DCC: variants seen among roughly 807,000 people sequenced by gnomAD.
DCC encodes netrin receptor DCC.
Under a neutral mutation model 172.5 loss-of-function variants are expected in DCC, and 58 were observed. That is an observed-to-expected ratio of 0.34 (90% CI 0.27 to 0.42). The LOEUF is 0.42. Ranked by LOEUF, DCC falls within the 10% of genes least tolerant of loss-of-function variation. DCC has a pLI of 1.00. For missense variants in DCC, 1,740 were observed against 1,791.0 expected, an observed-to-expected ratio of 0.97 and a Z score of 0.51; for synonymous variants, 709 against 644.5, an observed-to-expected ratio of 1.10 and a Z score of -1.52.
In DCC at chr18:52,541,877, A is replaced by G. The variant is rs28605709; in HGVS notation, c.91+200999A>G. Among the ~76,000 whole-genome samples the G allele has an allele frequency of 3.1e-3, 211 of 68,768 alleles. 2 individuals carry two copies. The highest frequency in any genetic ancestry group is 8.2e-3 in the African/African-American group (168 of 20,558). 45.1% of individuals were successfully genotyped at this position (68,768 alleles called of 152,430 possible). A position where few individuals can be genotyped will look rare whatever the true frequency, so the allele number is the denominator to read the frequency against. On this transcript the variant is annotated intron_variant, in intron 1 of 28. Coordinates refer to ENST00000442544, the MANE Select transcript of DCC (RefSeq NM_005215.4). ...AAAAGTATATGATGTGTGTGTGTGT[A>G]TATATATATATATATATATGTGTAT...
chr18:53,182,850 T>G (rs2055217188), intron 9 of DCC, among the ~76,000 whole-genome samples: 1 of 152,112 alleles, frequency 6.6e-6, no homozygotes, highest in African/African-American at 2.4e-5. Context: ...CTCTTTGTTA[T>G]AAGCCCATCT....
At chr18:53,007,667 C>G (rs1214642847) in intron 5 of DCC, among the ~76,000 whole-genome samples, 1 of 151,998 alleles carries the variant, frequency 6.6e-6, no homozygotes, top group Non-Finnish European at 1.5e-5. Context: ...ACAAACTACA[C>G]ATTTATTTGT....
intron 1 of DCC, among the ~76,000 whole-genome samples, chr18:52,403,351 C>T (rs1292329590): frequency 6.6e-6 from 1 of 151,948 alleles, no homozygotes; most frequent in Non-Finnish European, 1.5e-5. Flanking sequence ...TTGATGCTCT[C>T]CACTTCTTAT....
At chr18:53,129,172 A>G (rs2043615307) in intron 7 of DCC, among the ~76,000 whole-genome samples, 1 of 151,902 alleles carries the variant, frequency 6.6e-6, no homozygotes, top group Non-Finnish European at 1.5e-5. Flanking sequence ...TAGGCATGAG[A>G]CACTGTTCTC....
chr18:53,498,842 T>C (rs754675013), intron 26 of DCC, among the ~76,000 whole-genome samples: 2 of 152,226 alleles, frequency 1.3e-5, no homozygotes, highest in Non-Finnish European at 2.9e-5. Flanking sequence ...CTGAGCATCC[T>C]GTAACTCTGA....
intron 2 of DCC, among the ~76,000 whole-genome samples, chr18:52,779,710 A>G (rs1382421558): frequency 6.6e-6 from 1 of 152,184 alleles, no homozygotes; most frequent in Non-Finnish European, 1.5e-5. Context: ...CTAGTTCTAG[A>G]TCCTTGAGGA....
At chr18:53,308,362 A>G (rs931702744) in intron 13 of DCC, among the ~76,000 whole-genome samples, 4 of 152,170 alleles carry the variant, frequency 2.6e-5, no homozygotes, top group Non-Finnish European at 4.4e-5. Flanking sequence ...TTAGAATAAT[A>G]TATATCCCAA....
At chr18:53,013,166 T>C (rs1457602653) in intron 5 of DCC, among the ~76,000 whole-genome samples, 1 of 152,130 alleles carries the variant, frequency 6.6e-6, no homozygotes, top group East Asian at 1.9e-4. Context: ...AGTGTGGTGA[T>C]TCCTCGAGGA....
chr18:53,273,239 T>C (rs1054827589), intron 12 of DCC, among the ~76,000 whole-genome samples: 1 of 152,140 alleles, frequency 6.6e-6, no homozygotes, highest in Non-Finnish European at 1.5e-5. Flanking sequence ...AATAATCTTA[T>C]GATTTTTTTC....
chr18:53,126,566 ACAAACAATCTGGGTTGGT>A, intron 7 of DCC, among the ~76,000 whole-genome samples: 1 of 152,162 alleles, frequency 6.6e-6, no homozygotes, highest in East Asian at 1.9e-4. Flanking sequence ...TTGGAATAGC[ACAAACAATCTGGGTTGGT>A]CATTGATTTT....
At chr18:52,943,352 A>T (rs1281456113) in intron 5 of DCC, among the ~76,000 whole-genome samples, 1 of 152,104 alleles carries the variant, frequency 6.6e-6, no homozygotes, top group Non-Finnish European at 1.5e-5. Context: ...TTGATTTTTC[A>T]TCCTATCTGC....
At chr18:52,880,166 C>T (rs1406102642) in intron 2 of DCC, among the ~76,000 whole-genome samples, 1 of 151,922 alleles carries the variant, frequency 6.6e-6, no homozygotes, top group East Asian at 1.9e-4. Flanking sequence ...GGGTTTCACT[C>T]TGTCACCCAG....
chr18:53,450,475 A>G, intron 22 of DCC, 25 bp from the exon 23 acceptor site: 1 of 1,612,984 alleles, frequency 6.2e-7, no homozygotes, highest in East Asian at 2.2e-5. Context: ...CTAAACCTGA[A>G]CTCCATTTTC....
chr18:53,147,499 T>C lies in DCC; in HGVS notation c.1262-9857T>C, dbSNP rs560749857. Among the ~76,000 whole-genome samples, 5 of 152,338 alleles carry C rather than the reference T, an allele frequency of 3.3e-5. No individual in the cohort carries two copies. The East Asian group carries it at 9.6e-4, about 29-fold the overall frequency. On this transcript the variant is annotated intron_variant, in intron 7 of 28. Transcript: ENST00000442544. ...AATAATTTATCTTAGTTTTATACCC[T>C]CTTTTATTTGCTTCATTTTTATTTC...
intron 1 of DCC, among the ~76,000 whole-genome samples, chr18:52,698,799 T>C (rs114826579): frequency 0.03 from 4,253 of 142,718 alleles, 224 homozygotes; most frequent in African/African-American, 0.1. Flanking sequence ...TTAGTTGAGA[T>C]GCGGTTTCAC....
intron 1 of DCC, among the ~76,000 whole-genome samples, chr18:52,346,189 A>G (rs1244246574): frequency 2.0e-5 from 3 of 152,242 alleles, no homozygotes; most frequent in African/African-American, 4.8e-5. Flanking sequence ...CTGCAGGCCA[A>G]TAAAAAATGT....
intron 1 of DCC, among the ~76,000 whole-genome samples, chr18:52,426,491 AAG>A (rs1325346138): frequency 6.6e-6 from 1 of 152,020 alleles, no homozygotes; most frequent in African/African-American, 2.4e-5. Context: ...TACACTGAAA[AAG>A]AGTCTATGTT....
At chr18:53,084,902 G>T (rs1350602435) in intron 7 of DCC, among the ~76,000 whole-genome samples, 1 of 152,122 alleles carries the variant, frequency 6.6e-6, no homozygotes, top group Non-Finnish European at 1.5e-5. Context: ...TACAGAAATT[G>T]GACAATGTTG....
chr18:52,393,866 G>A (rs975645586), intron 1 of DCC, among the ~76,000 whole-genome samples: 7 of 152,014 alleles, frequency 4.6e-5, no homozygotes, highest in African/African-American at 1.4e-4. Flanking sequence ...AAAATTACTA[G>A]ACTAGATTAT....
Sources: allele counts gnomAD v4.1 joint callset (sites outside exome capture counted in the v4.1 genomes callset), GRCh38; gene constraint gnomAD v4.1.1; transcripts MANE v1.5; gene names NCBI Gene and HGNC (gene_info 2026-07-23, HGNC 2026-07-21).